RETREG1: variants seen among roughly 807,000 people sequenced by gnomAD.
The protein encoded by RETREG1 is reticulophagy regulator 1, also known as family with sequence similarity 134 member B.
Under a neutral mutation model 54.8 loss-of-function variants are expected in RETREG1, and 44 were observed. That is an observed-to-expected ratio of 0.80 (90% CI 0.63 to 1.03). RETREG1 has a LOEUF of 1.03. RETREG1 is among the 50% of genes least tolerant of loss of function. The pLI, the probability that RETREG1 is intolerant of heterozygous loss-of-function variation, is 0.00. For synonymous variants in RETREG1, 217 were observed against 238.5 expected, an observed-to-expected ratio of 0.91 and a Z score of 0.83; for missense variants, 554 against 605.1, an observed-to-expected ratio of 0.92 and a Z score of 0.89.
At chr5:16,518,489 T>A (rs1209529055) in intron 3 of RETREG1, among the ~76,000 whole-genome samples, 6 of 151,958 alleles carry the variant, frequency 3.9e-5, no homozygotes, top group Admixed American at 3.9e-4. Context: ...TTCCATCTTA[T>A]CCTTTTGCCT....
intron 2 of RETREG1, among the ~76,000 whole-genome samples, chr5:16,568,274 CTT>C (rs70940379): frequency 0.048 from 6,836 of 141,672 alleles, 159 homozygotes; most frequent in Non-Finnish European, 0.054. Context: ...ATATCACTGA[CTT>C]TTTTTTTTTT....
chr5:16,494,999 T>C (rs1321625534), intron 3 of RETREG1, among the ~76,000 whole-genome samples: 6 of 152,140 alleles, frequency 3.9e-5, no homozygotes, highest in Non-Finnish European at 8.8e-5. Context: ...GAGTATCTTA[T>C]TGGGAACTGG....
intron 3 of RETREG1, among the ~76,000 whole-genome samples, chr5:16,564,007 TG>T (rs1741940893): frequency 6.6e-6 from 1 of 152,220 alleles, no homozygotes; most frequent in African/African-American, 2.4e-5. Context: ...CAAACTTTTT[TG>T]TTATTCCTTT....
At chr5:16,537,774 ATG>A (rs1332132043) in intron 3 of RETREG1, among the ~76,000 whole-genome samples, 2 of 152,002 alleles carry the variant, frequency 1.3e-5, no homozygotes, top group Non-Finnish European at 2.9e-5. Flanking sequence ...ACCATGCAGC[ATG>A]CAGCATGCAG....
chr5:16,474,052 G>A lies in RETREG1; in HGVS notation c.*689C>T, dbSNP rs939672402. On this transcript the variant is annotated 3_prime_UTR_variant, in exon 9 of 9. Transcript: ENST00000306320. ...ATACACAACTGCTTGCTTTCTATGG[G>A]TTAATACCACCCACTGCAAGACTAG... The A allele has an allele frequency of 1.3e-5, 2 of 152,712 alleles. No individual in the cohort carries two copies. The highest frequency in any genetic ancestry group is 4.8e-5 in the African/African-American group (2 of 41,422). 9.5% of individuals were successfully genotyped at this position (152,712 alleles called of 1,614,324 possible).
intron 3 of RETREG1, among the ~76,000 whole-genome samples, chr5:16,520,632 G>GT (rs966446052): frequency 1.3e-5 from 2 of 152,084 alleles, no homozygotes; most frequent in African/African-American, 2.4e-5. Flanking sequence ...CCAGCCAATA[G>GT]TTTTTTTAAG....
chr5:16,481,120 T>G lies in RETREG1; in HGVS notation c.586-27A>C, dbSNP rs752870551. ...TGGAAATAATAGAAATAACATGGGA[T>G]AGTTAAGCATAACACCAAGATATTT... On this transcript the variant is annotated intron_variant, in intron 4 of 8. Transcript: ENST00000306320. The G allele has an allele frequency of 4.0e-6, 6 of 1,498,408 alleles. No individual in the cohort carries two copies. In the East Asian group the frequency reaches 1.4e-4, roughly 34 times the overall value. The allele number at this position is 1,498,408 out of a possible 1,614,324, so 92.8% of individuals were successfully genotyped here.
At position 16,478,064 on chromosome 5, in the gene RETREG1, A is replaced by G; in HGVS notation, c.843T>C (p.Ser281=). The change falls in exon 7 of 9, where the codon AGT becomes AGC. Residue 281 remains serine, a synonymous_variant. Transcript: ENST00000306320. ...GACAAAGAGCTGAAAAGTCTAATTC[A>G]CTGTCATCTTTGTGACTTTTTTCTT... ...ADKEKSHKDD[S]ELDFSALCPK... 1.9e-6 allele frequency: 3 copies of G among 1,610,850 alleles called. No individual in the cohort carries two copies. The highest frequency in any genetic ancestry group is 1.7e-4 in the Middle Eastern group (1 of 6,036).
At chr5:16,520,385 A>C (rs376171) in intron 3 of RETREG1, among the ~76,000 whole-genome samples, 37,916 of 151,884 alleles carry the variant, frequency 0.25, 5,245 homozygotes, top group East Asian at 0.4. Context: ...GCTGGAGTGC[A>C]TTGGCATGAT....
chr5:16,545,576 A>G (rs1294503549), intron 3 of RETREG1, among the ~76,000 whole-genome samples: 1 of 151,598 alleles, frequency 6.6e-6, no homozygotes, highest in Non-Finnish European at 1.5e-5. Flanking sequence ...TTCACAGTTT[A>G]GCAGCAGCAG....
intron 1 of RETREG1, among the ~76,000 whole-genome samples, chr5:16,582,272 T>C (rs1742505649): frequency 6.6e-6 from 1 of 152,246 alleles, no homozygotes; most frequent in Non-Finnish European, 1.5e-5. Flanking sequence ...AGTAATGTGA[T>C]GATTGCTCTA....
At chr5:16,575,331 C>T (rs1447273239) in intron 1 of RETREG1, among the ~76,000 whole-genome samples, 1 of 152,128 alleles carries the variant, frequency 6.6e-6, no homozygotes, top group African/African-American at 2.4e-5. Context: ...TGCAAATGTT[C>T]GAACAGCATG....
chr5:16,477,954 A>G, intron 7 of RETREG1, 80 bp downstream of exon 7: 6 of 1,339,550 alleles, frequency 4.5e-6, no homozygotes, highest in Non-Finnish European at 6.3e-6. Context: ...GTTTATTAGG[A>G]AGATCATTCA....
rs1051218417 is a variant in RETREG1 at position 16,520,197 on chromosome 5, C to T, written c.459-36725G>A. Among the ~76,000 whole-genome samples, 10 of 152,264 alleles carry T rather than the reference C, an allele frequency of 6.6e-5. No individual in the cohort carries two copies. The South Asian group carries it at 1.4e-3, about 22-fold the overall frequency. On this transcript the variant is annotated intron_variant, in intron 3 of 8. Coordinates refer to ENST00000306320, the MANE Select transcript of RETREG1 (RefSeq NM_001034850.3). ...GAGGGGGTGAGGAAAGACAGAAACA[C>T]GGGCGAAGAGTCAGAGCCTGCAAGG...
intron 3 of RETREG1, among the ~76,000 whole-genome samples, chr5:16,517,683 G>A (rs1740403562): frequency 6.6e-6 from 1 of 152,104 alleles, no homozygotes; most frequent in African/African-American, 2.4e-5. Context: ...GTGAGGGGCA[G>A]CCACATGTTT....
chr5:16,589,176 G>C (rs926891149), intron 1 of RETREG1, among the ~76,000 whole-genome samples: 3 of 152,184 alleles, frequency 2.0e-5, no homozygotes, highest in Non-Finnish European at 4.4e-5. Flanking sequence ...AGAAAATCCA[G>C]ACCTGGATGC....
chr5:16,600,535 T>C (rs1031784752), intron 1 of RETREG1, among the ~76,000 whole-genome samples: 1 of 152,188 alleles, frequency 6.6e-6, no homozygotes, highest in African/African-American at 2.4e-5. Context: ...CCCCACGTGT[T>C]CATCATCTCC....
rs876661228 is a variant in RETREG1 at position 16,616,928 on chromosome 5, G to A, written c.44C>T (p.Pro15Leu). 2.7e-6 allele frequency: 4 copies of A among 1,475,766 alleles called. No homozygotes were observed. The highest frequency in any genetic ancestry group is 3.6e-6 in the Non-Finnish European group (4 of 1,120,258). The allele number at this position is 1,475,766 out of a possible 1,614,324, so 91.4% of individuals were successfully genotyped here. A position where few individuals can be genotyped will look rare whatever the true frequency, so the allele number is the denominator to read the frequency against. The change falls in exon 1 of 9, where the codon CCG becomes CTG. Residue 15 changes from proline (P) to leucine (L), a missense_variant. Transcript: ENST00000306320. The part of the protein sequence containing the change: ...APPEHAEEGC[P>L]APAAEEQAPP... Reference sequence around the variant, plus strand: ...CGCCTGCTCCTCGGCGGCAGGAGCCGGGCATCCCTCCTCGGCGTGCTCCGG... The same window carrying A: ...CGCCTGCTCCTCGGCGGCAGGAGCCAGGCATCCCTCCTCGGCGTGCTCCGG...
At chr5:16,598,047 T>C (rs1446222571) in intron 1 of RETREG1, among the ~76,000 whole-genome samples, 1 of 151,792 alleles carries the variant, frequency 6.6e-6, no homozygotes, top group African/African-American at 2.4e-5. Flanking sequence ...CTGCCCTGCC[T>C]CACCCCCTCC....
Sources: gnomAD v4.1 joint callset for allele counts (sites outside exome capture counted in the v4.1 genomes callset) on GRCh38, gnomAD v4.1.1 for gene constraint, MANE v1.5 for transcripts, NCBI Gene and HGNC (gene_info 2026-07-23, HGNC 2026-07-21) for gene names.